Variants in WDR27 observed in about 807,000 individuals in gnomAD.
WDR27 encodes the protein WD repeat domain 27.
A neutral mutation model predicts 114.4 loss-of-function variants in WDR27; 100 were observed. That is an observed-to-expected ratio of 0.87 (90% CI 0.74 to 1.03). WDR27 has a LOEUF of 1.03. Ranked by LOEUF, WDR27 falls within the 50% of genes least tolerant of loss-of-function variation. WDR27 has a pLI of 0.00. For missense variants in WDR27, 1,129 were observed against 1,092.9 expected (o/e 1.03, Z -0.47); for synonymous variants, 449 against 423.1 (o/e 1.06, Z -0.75).
Position 169,457,608 on chromosome 6 carries a change from T to C in WDR27, c.2672A>G (p.Asn891Ser), listed in dbSNP as rs1025244090. The change falls in exon 26 of 26, where the codon AAC becomes AGC. Residue 891 changes from asparagine to serine, a missense_variant. Physicochemically the swap from Asn to Ser is conservative, Grantham distance 46. Transcript: ENST00000448612. ...GTTACTCAGCTAGAAAGAGCTGGAG[T>C]TTACCATCCAAGGTAGCTGTGGCAA... ...YSLPQLPWMV[N>S]SSSF is the part of the protein sequence containing the mutation. The C allele has an allele frequency of 2.6e-6, 4 of 1,552,404 alleles. No individual in the cohort carries two copies. The highest frequency in any genetic ancestry group is 3.5e-6 in the Non-Finnish European group (4 of 1,147,174).
At chr6:169,625,104 G>T (rs549776877) in intron 21 of WDR27, among the ~76,000 whole-genome samples, 3 of 152,246 alleles carry the variant, frequency 2.0e-5, no homozygotes, top group Non-Finnish European at 4.4e-5. Context: ...GTCCTGGAGT[G>T]TCCGCGCCAG....
intron 2 of WDR27, among the ~76,000 whole-genome samples, chr6:169,685,780 G>A (rs966245969): frequency 1.3e-5 from 2 of 152,212 alleles, no homozygotes; most frequent in Non-Finnish European, 2.9e-5. Context: ...AGGTGAGGAA[G>A]ACATATTTAA....
At chr6:169,654,178 A>T (rs1231534045) in intron 13 of WDR27, among the ~76,000 whole-genome samples, 1 of 152,240 alleles carries the variant, frequency 6.6e-6, no homozygotes, top group Admixed American at 6.5e-5. Context: ...CAACACAACA[A>T]AAAGAGTATA....
At chr6:169,649,405 T>G (rs1222723120) in intron 14 of WDR27, 130 bp from the exon 15 acceptor site, 292 of 682,504 alleles carry the variant, frequency 4.3e-4, no homozygotes, top group Non-Finnish European at 6.3e-4. Context: ...TTCGGGCCCC[T>G]CCCACCTGTC....
intron 21 of WDR27, among the ~76,000 whole-genome samples, chr6:169,617,614 G>A (rs1360114715): frequency 6.6e-6 from 1 of 152,122 alleles, no homozygotes; most frequent in Admixed American, 6.5e-5. Context: ...GACCTCAGGT[G>A]ATCCACCCAC....
chr6:169,658,424 GAC>G, intron 12 of WDR27, 66 bp from the exon 13 acceptor site: 1 of 1,215,934 alleles, frequency 8.2e-7, no homozygotes, highest in Non-Finnish European at 1.2e-6. Flanking sequence ...ATGCCTCAGT[GAC>G]ACACACTTTA....
chr6:169,700,428 C>G (rs1237760068), intron 1 of WDR27, among the ~76,000 whole-genome samples: 1 of 152,194 alleles, frequency 6.6e-6, no homozygotes, highest in Non-Finnish European at 1.5e-5. Flanking sequence ...CTTCCCTTTC[C>G]TTCTAGACAC....
At chr6:169,584,039 G>A (rs2143132) in intron 23 of WDR27, among the ~76,000 whole-genome samples, 72,689 of 143,628 alleles carry the variant, frequency 0.51, 21,364 homozygotes, top group Non-Finnish European at 0.68. Flanking sequence ...CTGCTGTTTC[G>A]TATCCTTTGA....
intron 25 of WDR27, among the ~76,000 whole-genome samples, chr6:169,537,494 C>T (rs954920032): frequency 6.6e-6 from 1 of 152,080 alleles, no homozygotes; most frequent in African/African-American, 2.4e-5. Context: ...TGCCAAACTC[C>T]CAAAGTGGAA....
chr6:169,658,469 GT>G, intron 12 of WDR27, 111 bp from the exon 13 acceptor site: 1 of 787,928 alleles, frequency 1.3e-6, no homozygotes, highest in Non-Finnish European at 2.2e-6. Flanking sequence ...TCCTGCAGCT[GT>G]GGACATAACA....
intron 25 of WDR27, among the ~76,000 whole-genome samples, chr6:169,502,585 G>C (rs1791455088): frequency 6.6e-6 from 1 of 152,124 alleles, no homozygotes; most frequent in Admixed American, 6.5e-5. Flanking sequence ...GTCTTTCCCA[G>C]CTTCCCGGCC....
intron 25 of WDR27, among the ~76,000 whole-genome samples, chr6:169,498,293 C>T (rs528706269): frequency 3.3e-5 from 5 of 151,836 alleles, no homozygotes; most frequent in South Asian, 4.2e-4. Context: ...CTGTGGGGAG[C>T]GAGGAATGGG....
intron 25 of WDR27, among the ~76,000 whole-genome samples, chr6:169,495,873 C>A (rs1314442118): frequency 2.0e-5 from 3 of 151,930 alleles, no homozygotes; most frequent in Non-Finnish European, 4.4e-5. Context: ...TCTGCTCCAA[C>A]TTTTCCAAAA....
At chr6:169,551,817 G>C (rs1180553694) in intron 25 of WDR27, among the ~76,000 whole-genome samples, 2 of 152,030 alleles carry the variant, frequency 1.3e-5, no homozygotes, top group East Asian at 3.9e-4. Context: ...GACGATTCTG[G>C]CTTTGAAGGC....
chr6:169,680,720 G>T (rs1305650345), intron 2 of WDR27, among the ~76,000 whole-genome samples: 2 of 152,208 alleles, frequency 1.3e-5, no homozygotes, highest in Non-Finnish European at 2.9e-5. Flanking sequence ...CATAAAAGTT[G>T]TGAGAGAGGA....
At chr6:169,435,145 C>T in the WDR27 span, among the ~76,000 whole-genome samples, 2 of 152,182 alleles carry the variant, frequency 1.3e-5, no homozygotes, top group Admixed American at 1.3e-4. Context: ...GGTGTTGAAC[C>T]TGAGGGTGCA....
intron 25 of WDR27, among the ~76,000 whole-genome samples, chr6:169,565,684 CT>C (rs1173234850): frequency 2.0e-5 from 3 of 152,160 alleles, no homozygotes; most frequent in African/African-American, 4.8e-5. Context: ...TAAAATTATT[CT>C]GTTTTTAGGG....
chr6:169,512,851 A>G (rs1202194165), intron 25 of WDR27, among the ~76,000 whole-genome samples: 1 of 152,202 alleles, frequency 6.6e-6, no homozygotes, highest in Non-Finnish European at 1.5e-5. Flanking sequence ...TTTCATGTTA[A>G]AAGAAAATCT....
At position 169,580,968 on chromosome 6, in the gene WDR27, T is replaced by A. The variant is rs539612653; in HGVS notation, c.2523+1868A>T. On this transcript the variant is annotated intron_variant, in intron 24 of 25. Transcript: ENST00000448612. ...ATATATATATACATATATATATATA[T>A]AAATTCGGTATATGATATCATTATC... is the stretch of plus-strand genomic sequence containing the variant. Among the ~76,000 whole-genome samples, 156 of 147,592 alleles carry A rather than the reference T, an allele frequency of 1.1e-3. 1 individual carries two copies. Among genetic ancestry groups the A allele is most frequent in the African/African-American group, 3.7e-3 (151 of 40,634 alleles).
Sources: allele counts gnomAD v4.1 joint callset (sites outside exome capture counted in the v4.1 genomes callset), GRCh38; gene constraint gnomAD v4.1.1; transcripts MANE v1.5; gene names NCBI Gene and HGNC (gene_info 2026-07-23, HGNC 2026-07-21).